The following CCDC169 variants were observed in gnomAD, a reference collection of about 807,000 sequenced individuals.
CCDC169 encodes coiled-coil domain containing 169.
Under a neutral mutation model 36.0 loss-of-function variants are expected in CCDC169, and 30 were observed. That is an observed-to-expected ratio of 0.83 (90% confidence interval 0.62 to 1.13). CCDC169 has a LOEUF of 1.13. Among genes scored for constraint, CCDC169 ranks in the 50% most tolerant of loss-of-function variants. The pLI is 0.00. For missense variants in CCDC169, 245 were observed against 245.9 expected (o/e 1.00, Z 0.03); for synonymous variants, 85 against 81.5 (o/e 1.04, Z -0.23).
chr13:36,283,926 T>C (rs1489257103), intron 2 of CCDC169, among the ~76,000 whole-genome samples: 1 of 152,144 alleles, frequency 6.6e-6, no homozygotes, highest in African/African-American at 2.4e-5. Flanking sequence ...CCAAACCTTA[T>C]CACAACTACT....
chr13:36,248,646 C>T lies in CCDC169; in HGVS notation c.505G>A (p.Val169Met), dbSNP rs1180865272. 20 of 1,550,472 alleles carry T rather than the reference C, an allele frequency of 1.3e-5. No individual in the cohort carries two copies. The highest frequency in any genetic ancestry group is 2.4e-5 in the South Asian group (2 of 83,988). Reference sequence around the variant, plus strand: ...TCTTGCATCCTAGGCAGTTGATCCACCTGTTGCCTTTTAGAAACTTGATGT... The same window carrying T: ...TCTTGCATCCTAGGCAGTTGATCCATCTGTTGCCTTTTAGAAACTTGATGT... ...GLHQVSKRQQVDQLPRMQENL... is the reference protein window; with the variant it reads ...GLHQVSKRQQMDQLPRMQENL... Residue 169 changes from valine (V) to methionine (M), a missense_variant, in exon 7 of 8, where the codon GTG becomes ATG. By Grantham distance (21) the Val-to-Met change is conservative. Coordinates refer to ENST00000239859, the MANE Select transcript of CCDC169 (RefSeq NM_001144981.3).
At chr13:36,282,612 T>C (rs527947909) in intron 4 of CCDC169, 1 of 844,848 alleles carries the variant, frequency 1.2e-6, no homozygotes, top group East Asian at 1.2e-4. Flanking sequence ...CCACTCTTCG[T>C]TGTGCTAATA....
intron 2 of CCDC169, among the ~76,000 whole-genome samples, chr13:36,285,584 A>ATAGAT (rs1555254443): frequency 7.2e-6 from 1 of 138,042 alleles, no homozygotes; most frequent in African/African-American, 2.6e-5. Context: ...AAAATAAAAT[A>ATAGAT]AGATAGATAG....
At chr13:36,246,675 G>A (rs1287312255) in intron 7 of CCDC169, among the ~76,000 whole-genome samples, 1 of 152,206 alleles carries the variant, frequency 6.6e-6, no homozygotes, top group Non-Finnish European at 1.5e-5. Flanking sequence ...TATGTCTTAT[G>A]TGTTGCAGCA....
At chr13:36,255,404 C>G (rs553599146) in intron 4 of CCDC169, among the ~76,000 whole-genome samples, 1 of 152,186 alleles carries the variant, frequency 6.6e-6, no homozygotes, top group Non-Finnish European at 1.5e-5. Flanking sequence ...TGGCTCACAC[C>G]TGTAATCCCA....
intron 7 of CCDC169, among the ~76,000 whole-genome samples, chr13:36,231,906 A>T (rs1374723310): frequency 1.3e-5 from 2 of 152,178 alleles, no homozygotes; most frequent in Non-Finnish European, 2.9e-5. Flanking sequence ...TAAAATATGT[A>T]ACATGTAAGA....
At chr13:36,260,138 T>C (rs569234485) in intron 4 of CCDC169, among the ~76,000 whole-genome samples, 28 of 152,246 alleles carry the variant, frequency 1.8e-4, no homozygotes, top group Non-Finnish European at 3.4e-4. Context: ...GATTGCAGCT[T>C]ATAGAGATTA....
intron 7 of CCDC169, among the ~76,000 whole-genome samples, chr13:36,236,057 GT>G (rs1871036896): frequency 6.6e-6 from 1 of 151,826 alleles, no homozygotes; most frequent in Non-Finnish European, 1.5e-5. Flanking sequence ...ACTTAATATT[GT>G]TAAGATGGCA....
intron 4 of CCDC169, among the ~76,000 whole-genome samples, chr13:36,258,199 C>G (rs887063544): frequency 6.6e-6 from 1 of 152,166 alleles, no homozygotes; most frequent in African/African-American, 2.4e-5. Context: ...AGTATGGGGG[C>G]TTCTTTGGCC....
At chr13:36,286,255 A>G (rs1466213080) in intron 2 of CCDC169, among the ~76,000 whole-genome samples, 2 of 152,182 alleles carry the variant, frequency 1.3e-5, no homozygotes, top group Admixed American at 6.5e-5. Flanking sequence ...GCTACCTTCA[A>G]TGCTTCACTG....
chr13:36,275,640 AAAC>A (rs1320192551), intron 4 of CCDC169, among the ~76,000 whole-genome samples: 1 of 152,168 alleles, frequency 6.6e-6, no homozygotes. Context: ...CAGGCATTAA[AAAC>A]AACATTTCTA....
At chr13:36,264,054 A>G (rs1874948099) in intron 4 of CCDC169, among the ~76,000 whole-genome samples, 1 of 152,198 alleles carries the variant, frequency 6.6e-6, no homozygotes, top group Non-Finnish European at 1.5e-5. Flanking sequence ...GTTTTAATGG[A>G]AAATGTATTC....
At chr13:36,258,593 AC>A (rs1874218357) in intron 4 of CCDC169, among the ~76,000 whole-genome samples, 1 of 152,234 alleles carries the variant, frequency 6.6e-6, no homozygotes, top group African/African-American at 2.4e-5. Flanking sequence ...ATGACAGTTT[AC>A]AAATGCCATG....
intron 2 of CCDC169, among the ~76,000 whole-genome samples, chr13:36,286,823 CAA>C (rs1458478807): frequency 6.6e-6 from 1 of 152,112 alleles, no homozygotes; most frequent in Admixed American, 6.6e-5. Flanking sequence ...AGGAGATAAA[CAA>C]GAGAGGTAGG....
In CCDC169 at chr13:36,254,109, T is replaced by A; in HGVS notation, c.350A>T (p.Glu117Val). Residue 117 changes from glutamate (E) to valine (V), a missense_variant, in exon 5 of 8, where the codon GAA becomes GTA. Transcript: ENST00000239859. ...SLNTLLKQLEEEKKTLESQVK... is the reference protein window; with the variant it reads ...SLNTLLKQLEVEKKTLESQVK... The stretch of plus-strand genomic sequence containing the variant: ...TTGACTTTCAAGAGTCTTCTTTTCT[T>A]CTTCTAGCTGTTTAAGTAATGTGTT... 6.5e-7 allele frequency: 1 copy of A among 1,545,846 alleles called. No individual in the cohort carries two copies. The highest frequency in any genetic ancestry group is 8.7e-7 in the Non-Finnish European group (1 of 1,145,238).
chr13:36,263,207 T>TTAGA (rs57658907), intron 4 of CCDC169, among the ~76,000 whole-genome samples: 61,169 of 151,656 alleles, frequency 0.4, 13,099 homozygotes, highest in Non-Finnish European at 0.48. Context: ...AAAAAAAGGG[T>TTAGA]TAGAGGTCAG....
intron 4 of CCDC169, among the ~76,000 whole-genome samples, chr13:36,256,809 G>A (rs1025162222): frequency 6.6e-6 from 1 of 152,192 alleles, no homozygotes; most frequent in African/African-American, 2.4e-5. Context: ...TCTTCTCACT[G>A]CATGTCATCT....
chr13:36,255,424 G>A (rs1034392119), intron 4 of CCDC169, among the ~76,000 whole-genome samples: 21 of 152,298 alleles, frequency 1.4e-4, no homozygotes, highest in Non-Finnish European at 4.4e-5. Flanking sequence ...AGCACTTTGA[G>A]AGGCCGAGGC....
At chr13:36,230,666 C>G (rs11616499), downstream of CCDC169, 117,056 of 662,240 alleles carry the variant, frequency 0.18, 10,725 homozygotes, top group Non-Finnish European at 0.18. Context: ...TGCCCAAGAT[C>G]TCCTAAGTTC....
Sources: allele counts gnomAD v4.1 joint callset (sites outside exome capture counted in the v4.1 genomes callset), GRCh38; gene constraint gnomAD v4.1.1; transcripts MANE v1.5; gene names NCBI Gene and HGNC (gene_info 2026-07-23, HGNC 2026-07-21).